RARB: variants seen among roughly 807,000 people sequenced by gnomAD.
The protein encoded by RARB is HBV-activated protein.
RARB carries 17 observed loss-of-function variants against 51.9 expected under a neutral mutation model. The ratio of observed to expected loss-of-function variants is 0.33; its 90% CI spans 0.22 to 0.49. The LOEUF (loss-of-function observed/expected upper bound fraction) is 0.49, where lower values mean the gene tolerates loss of function less well. Among genes scored for constraint, RARB ranks in the 20% least tolerant of loss-of-function variants. The probability of loss-of-function intolerance (pLI) is 0.99; values close to 1 mark genes in which losing one functional copy is unlikely to be tolerated. For missense variants in RARB, 369 were observed against 550.8 expected, an observed-to-expected ratio of 0.67 and a Z score of 3.30; for synonymous variants, 215 against 195.4, an observed-to-expected ratio of 1.10 and a Z score of -0.84.
intron 2 of RARB, among the ~76,000 whole-genome samples, chr3:24,966,606 A>ATCTCTCTCTC (rs55848511): frequency 0.013 from 1,828 of 140,252 alleles, 23 homozygotes; most frequent in East Asian, 0.04. Context: ...GTTTACATTC[A>ATCTCTCTCTC]TCTCTCTCTC....
At chr3:25,574,929 G>C (rs1700864609) in intron 4 of RARB, among the ~76,000 whole-genome samples, 1 of 152,122 alleles carries the variant, frequency 6.6e-6, no homozygotes. Flanking sequence ...CGAAACCCGA[G>C]TTCCAGTCCC....
chr3:25,120,856 A>G (rs934505193), intron 3 of RARB, among the ~76,000 whole-genome samples: 1 of 152,082 alleles, frequency 6.6e-6, no homozygotes, highest in Non-Finnish European at 1.5e-5. Context: ...TTCACTGCAA[A>G]TAAGCCACAC....
At chr3:25,229,587 T>G (rs930325934) in intron 5 of RARB, among the ~76,000 whole-genome samples, 2 of 152,124 alleles carry the variant, frequency 1.3e-5, no homozygotes, top group African/African-American at 4.8e-5. Context: ...CTTTTGCTAT[T>G]TCTCTATCAA....
chr3:24,964,854 G>T (rs753709169), intron 2 of RARB, among the ~76,000 whole-genome samples: 2 of 152,128 alleles, frequency 1.3e-5, no homozygotes, highest in African/African-American at 4.8e-5. Flanking sequence ...TAATAGCAGG[G>T]CTATTGGGTA....
intron 5 of RARB, among the ~76,000 whole-genome samples, chr3:25,393,421 A>G (rs994511900): frequency 9.9e-5 from 15 of 151,784 alleles, no homozygotes; most frequent in African/African-American, 3.4e-4. Context: ...TTTAGGGAGG[A>G]TTTCCTCTTT....
chr3:25,328,785 T>A (rs902878692), intron 5 of RARB, among the ~76,000 whole-genome samples: 2 of 152,180 alleles, frequency 1.3e-5, no homozygotes, highest in Non-Finnish European at 1.5e-5. Flanking sequence ...CAAGGGAAGC[T>A]GTGACAGATG....
intron 3 of RARB, among the ~76,000 whole-genome samples, chr3:25,068,389 C>G (rs1402814293): frequency 6.6e-6 from 1 of 151,618 alleles, no homozygotes; most frequent in South Asian, 2.1e-4. Flanking sequence ...CCATACTTCT[C>G]CCATGACAAG....
chr3:25,244,068 T>C (rs1020984437), intron 5 of RARB, among the ~76,000 whole-genome samples: 4 of 152,198 alleles, frequency 2.6e-5, no homozygotes, highest in Non-Finnish European at 5.9e-5. Flanking sequence ...AATCTATCCA[T>C]TTCTTCTAGA....
At chr3:25,075,175 G>A (rs759875232) in intron 3 of RARB, among the ~76,000 whole-genome samples, 2 of 152,116 alleles carry the variant, frequency 1.3e-5, no homozygotes, top group African/African-American at 4.8e-5. Flanking sequence ...CTAGTGCCCC[G>A]ACACTTGACG....
intron 5 of RARB, among the ~76,000 whole-genome samples, chr3:25,278,690 T>G (rs1703451447): frequency 1.3e-5 from 2 of 152,174 alleles, no homozygotes; most frequent in African/African-American, 4.8e-5. Flanking sequence ...CAGAAAGAGA[T>G]AGCAAAATAG....
At chr3:24,918,759 C>T (rs965345470) in intron 2 of RARB, among the ~76,000 whole-genome samples, 11 of 152,030 alleles carry the variant, frequency 7.2e-5, no homozygotes, top group South Asian at 4.1e-4. Flanking sequence ...GTCGTGGTGG[C>T]GGGTGCCTGT....
intron 2 of RARB, among the ~76,000 whole-genome samples, chr3:24,924,231 G>A (rs1294594266): frequency 1.3e-4 from 20 of 152,094 alleles, no homozygotes; most frequent in Admixed American, 1.3e-3. Context: ...ACCTAAAATG[G>A]TAATAACCAT....
In RARB at chr3:25,514,303, C is replaced by T. The variant is rs1698049544; in HGVS notation, c.448+12980C>T. 2.0e-5 allele frequency among the ~76,000 whole-genome samples: 3 copies of T among 152,306 alleles called. No homozygotes were observed. In the South Asian group the frequency reaches 6.2e-4, roughly 32 times the overall value. On this transcript the variant is annotated intron_variant, in intron 3 of 7. Coordinates refer to ENST00000330688, the MANE Select transcript of RARB (RefSeq NM_000965.5). ...ATTAACTGTCATGGTTAGGTTATTT[C>T]TTTCATCCTTCTCCCTTTACAGCTG...
chr3:25,016,907 A>C (rs967444256), intron 2 of RARB, among the ~76,000 whole-genome samples: 2 of 152,142 alleles, frequency 1.3e-5, no homozygotes, highest in African/African-American at 4.8e-5. Context: ...TAGATCCTCT[A>C]ACATCTGGGT....
At chr3:24,883,202 A>G (rs1005816950) in intron 2 of RARB, among the ~76,000 whole-genome samples, 1 of 152,154 alleles carries the variant, frequency 6.6e-6, no homozygotes, top group Non-Finnish European at 1.5e-5. Flanking sequence ...TAAAGTTCCA[A>G]CTGAAGTCAA....
intron 2 of RARB, among the ~76,000 whole-genome samples, chr3:24,923,711 G>A (rs1695263507): frequency 6.6e-6 from 1 of 152,094 alleles, no homozygotes; most frequent in Non-Finnish European, 1.5e-5. Flanking sequence ...GAATCACGTG[G>A]AATTATTAGG....
At chr3:24,890,399 A>G (rs188273155) in intron 2 of RARB, among the ~76,000 whole-genome samples, 29 of 152,340 alleles carry the variant, frequency 1.9e-4, no homozygotes, top group African/African-American at 6.5e-4. Flanking sequence ...CACATTGACT[A>G]TATCTCAGGC....
intron 2 of RARB, among the ~76,000 whole-genome samples, chr3:25,014,601 C>A (rs1697468725): frequency 6.6e-6 from 1 of 152,074 alleles, no homozygotes; most frequent in Non-Finnish European, 1.5e-5. Context: ...AGAGATGGTT[C>A]AGCCCCACTG....
rs1450957660 is a variant in RARB, at chr3:25,125,738, A to G, written c.-327-6423A>G. ...TCAATCAGCAACTTTTAGTAGCTCT[A>G]TATGCACATAATTCAAAAACACCTA... is the stretch of plus-strand genomic sequence containing the variant. On this transcript the variant is annotated intron_variant, in intron 3 of 11. Coordinates refer to the RARB transcript ENST00000383772. Among the ~76,000 whole-genome samples, 3 of 152,318 alleles carry G rather than the reference A, an allele frequency of 2.0e-5. No homozygotes were observed. The East Asian group carries it at 5.8e-4, about 29-fold the overall frequency.
Sources: allele counts gnomAD v4.1 joint callset (sites outside exome capture counted in the v4.1 genomes callset), GRCh38; gene constraint gnomAD v4.1.1; transcripts MANE v1.5; gene names NCBI Gene and HGNC (gene_info 2026-07-23, HGNC 2026-07-21).